Variants in LCA5L observed in about 807,000 individuals in gnomAD.
LCA5L encodes lebercilin-like protein.
LCA5L carries 35 observed loss-of-function variants against 45.4 expected under a neutral mutation model. That is an observed-to-expected ratio of 0.77 (90% CI 0.59 to 1.02). The LOEUF is 1.02. Ranked by LOEUF, LCA5L falls within the 50% of genes least tolerant of loss-of-function variation. The pLI is 0.00. For missense variants in LCA5L, 668 were observed against 761.6 expected (o/e 0.88, Z 1.45); for synonymous variants, 233 against 264.7 (o/e 0.88, Z 1.16).
intron 7 of LCA5L, among the ~76,000 whole-genome samples, chr21:39,414,732 C>CTGTGTGTGTGTGTGTG (rs1464601997): frequency 1.1e-4 from 12 of 110,490 alleles, no homozygotes; most frequent in African/African-American, 4.7e-4. Flanking sequence ...CTCTCTCTCT[C>CTGTGTGTGTGTGTGTG]TCTCTCTCTC....
intron 6 of LCA5L, chr21:39,422,495 CA>C (rs1210988428): frequency 6.2e-6 from 1 of 162,374 alleles, no homozygotes; most frequent in Admixed American, 6.4e-5. Context: ...AAAATAACTA[CA>C]AATGTCTGTG....
At chr21:39,429,830 C>G (rs893394692) in intron 3 of LCA5L, among the ~76,000 whole-genome samples, 8 of 152,096 alleles carry the variant, frequency 5.3e-5, no homozygotes, top group Non-Finnish European at 8.8e-5. Context: ...CCAGCCTGGG[C>G]AACATGGCGA....
intron 6 of LCA5L, chr21:39,421,705 C>T (rs2073798839): frequency 6.6e-6 from 1 of 152,096 alleles, no homozygotes; most frequent in African/African-American, 2.4e-5. Flanking sequence ...CTTTCCCAAA[C>T]AGGAAAAGTG....
At chr21:39,418,246 T>C (rs538421668) in intron 7 of LCA5L, among the ~76,000 whole-genome samples, 2 of 152,310 alleles carry the variant, frequency 1.3e-5, no homozygotes, top group East Asian at 3.9e-4. Context: ...AGCCAAACCA[T>C]ATCAAGGATA....
chr21:39,408,382 C>A (rs1040013581), intron 10 of LCA5L, among the ~76,000 whole-genome samples: 6 of 152,146 alleles, frequency 3.9e-5, no homozygotes, highest in Non-Finnish European at 8.8e-5. Flanking sequence ...AAGAGGAGGA[C>A]TTGGCTTAGG....
intron 7 of LCA5L, among the ~76,000 whole-genome samples, chr21:39,419,901 A>G (rs146267188): frequency 7.6e-4 from 116 of 152,308 alleles, no homozygotes; most frequent in African/African-American, 2.5e-3. Flanking sequence ...AAAAATTCTT[A>G]TTTTTAAAGC....
chr21:39,420,193 T>A (rs1043735933), intron 7 of LCA5L, among the ~76,000 whole-genome samples: 7 of 152,108 alleles, frequency 4.6e-5, no homozygotes, highest in Non-Finnish European at 8.8e-5. Flanking sequence ...TTCATATGAT[T>A]GTAGAGAAAA....
At chr21:39,431,978 C>T (rs563417761) in intron 3 of LCA5L, among the ~76,000 whole-genome samples, 1 of 152,290 alleles carries the variant, frequency 6.6e-6, no homozygotes, top group Admixed American at 6.5e-5. Flanking sequence ...GCTGTGTTCA[C>T]CGATTTGTCT....
At chr21:39,414,732 C>G (rs1367736356) in intron 7 of LCA5L, among the ~76,000 whole-genome samples, 26 of 110,494 alleles carry the variant, frequency 2.4e-4, no homozygotes, top group South Asian at 1.3e-3. Context: ...CTCTCTCTCT[C>G]TCTCTCTCTC....
At chr21:39,414,129 T>G (rs1486625050) in intron 7 of LCA5L, 2 of 152,202 alleles carry the variant, frequency 1.3e-5, no homozygotes, top group African/African-American at 4.8e-5. Context: ...TGGCTGGGAG[T>G]GTTCATGCAA....
intron 7 of LCA5L, among the ~76,000 whole-genome samples, chr21:39,418,222 T>G (rs1474798416): frequency 6.6e-6 from 1 of 152,168 alleles, no homozygotes; most frequent in Non-Finnish European, 1.5e-5. Context: ...AAGATGAGAT[T>G]TGGGTGGGGA....
In LCA5L at chr21:39,423,129, A is replaced by G; in HGVS notation, c.684T>C (p.Leu228=). The stretch of plus-strand genomic sequence containing the variant: ...TCAGTAACTGGCTGTCAGTTTCTCT[A>G]AGTTTCCTAGATAGAGTTCTTTCCT... The part of the protein sequence containing the change: ...QEKERTLSRK[L]RETDSQLLKT... The change falls in exon 6 of 11, where the codon CTT becomes CTC. Residue 228 remains leucine, a synonymous_variant. Coordinates refer to ENST00000288350, the MANE Select transcript of LCA5L (RefSeq NM_152505.4). The G allele has an allele frequency of 6.2e-7, 1 of 1,613,854 alleles. No individual in the cohort carries two copies.
In LCA5L at chr21:39,428,216, T is replaced by A. The variant is rs369749917; in HGVS notation, c.278A>T (p.Lys93Met). The A allele has an allele frequency of 1.2e-6, 2 of 1,600,796 alleles. No homozygotes were observed. Among genetic ancestry groups the A allele is most frequent in the African/African-American group, 2.7e-5 (2 of 74,374 alleles). The part of the protein sequence containing the change: ...NYLKQPVVKE[K>M]EKKKYNVSKI... Reference sequence around the variant, plus strand: ...AGAAACATTATACTTTTTCTTCTCCTTTTCTTTTACCACAGGCTGCTTTAA... The same window carrying A: ...AGAAACATTATACTTTTTCTTCTCCATTTCTTTTACCACAGGCTGCTTTAA... Residue 93 changes from lysine to methionine, a missense_variant, in exon 5 of 11, where the codon AAG becomes ATG. Physicochemically the swap from Lys to Met is moderately conservative, Grantham distance 95. Coordinates refer to ENST00000288350, the MANE Select transcript of LCA5L (RefSeq NM_152505.4).
intron 7 of LCA5L, among the ~76,000 whole-genome samples, chr21:39,413,134 C>T (rs1478460811): frequency 1.3e-5 from 2 of 152,168 alleles, no homozygotes; most frequent in Non-Finnish European, 2.9e-5. Flanking sequence ...ACACATCAGA[C>T]AGGGTCCTGG....
chr21:39,437,561 G>A (rs993407960), intron 2 of LCA5L, among the ~76,000 whole-genome samples: 2 of 152,118 alleles, frequency 1.3e-5, no homozygotes, highest in African/African-American at 4.8e-5. Context: ...CTGGGTTCAG[G>A]TGATCCTCCC....
intron 2 of LCA5L, among the ~76,000 whole-genome samples, chr21:39,437,727 T>C (rs1401240940): frequency 2.0e-5 from 3 of 152,166 alleles, no homozygotes; most frequent in African/African-American, 7.2e-5. Context: ...GCTGGAATTA[T>C]AGGTGTGCCT....
chr21:39,427,542 G>C (rs1457742465), intron 5 of LCA5L, among the ~76,000 whole-genome samples: 2 of 151,750 alleles, frequency 1.3e-5, no homozygotes, highest in East Asian at 3.9e-4. Flanking sequence ...GGTGCCTGTA[G>C]TCCCAGCTAC....
intron 5 of LCA5L, among the ~76,000 whole-genome samples, chr21:39,425,556 G>C (rs1423648042): frequency 6.6e-6 from 1 of 152,194 alleles, no homozygotes; most frequent in Non-Finnish European, 1.5e-5. Context: ...CCAGCCTCTA[G>C]GACATCTACT....
chr21:39,418,939 C>G (rs1205106672), intron 7 of LCA5L, among the ~76,000 whole-genome samples: 4 of 152,166 alleles, frequency 2.6e-5, no homozygotes, highest in Non-Finnish European at 4.4e-5. Flanking sequence ...GAAGTCTCTT[C>G]TGTTAGATTT....
Sources: gnomAD v4.1 joint callset for allele counts (sites outside exome capture counted in the v4.1 genomes callset) on GRCh38, gnomAD v4.1.1 for gene constraint, MANE v1.5 for transcripts, NCBI Gene and HGNC (gene_info 2026-07-23, HGNC 2026-07-21) for gene names.